The following SHANK2 variants were observed in gnomAD, a reference collection of about 807,000 sequenced individuals.
SHANK2 encodes SH3 and multiple ankyrin repeat domains 2.
A neutral mutation model predicts 133.7 loss-of-function variants in SHANK2; 43 were observed. The observed-to-expected ratio is 0.32, with a 90% confidence interval of 0.25 to 0.41. SHANK2 has a LOEUF of 0.41. Among genes scored for constraint, SHANK2 ranks in the 10% least tolerant of loss-of-function variants. The pLI, the probability that SHANK2 is intolerant of heterozygous loss-of-function variation, is 1.00. For missense variants in SHANK2, 1,994 were observed against 2,235.8 expected, an observed-to-expected ratio of 0.89 and a Z score of 2.18; for synonymous variants, 1,017 against 952.8, an observed-to-expected ratio of 1.07 and a Z score of -1.24.
chr11:70,698,668 G>C lies in SHANK2; in HGVS notation c.1853+20C>G, dbSNP rs1555022880. 1.4e-5 allele frequency: 10 copies of C among 718,634 alleles called. No individual in the cohort carries two copies. In the East Asian group the frequency reaches 2.7e-4, roughly 19 times the overall value. The allele number at this position is 718,634 out of a possible 1,614,324, so 44.5% of individuals were successfully genotyped here. ...CAGCTTTGACCAGAGGGTCCTGGAA[G>C]AGAAAGCAGCGCGTCTTACCTGGAA... On this transcript the variant is annotated intron_variant, in intron 15 of 25. Transcript: ENST00000601538.
intron 10 of SHANK2, among the ~76,000 whole-genome samples, chr11:70,901,335 T>C (rs1381639725): frequency 2.0e-5 from 3 of 152,168 alleles, no homozygotes; most frequent in African/African-American, 7.2e-5. Context: ...AAACAACAAA[T>C]GACAAATTAT....
At chr11:70,693,854 A>C (rs1043061266) in intron 15 of SHANK2, among the ~76,000 whole-genome samples, 2 of 152,180 alleles carry the variant, frequency 1.3e-5, no homozygotes, top group Non-Finnish European at 2.9e-5. Context: ...GGAAGGATTC[A>C]TACATGGATG....
At chr11:70,580,756 C>T (rs139643530) in intron 17 of SHANK2, among the ~76,000 whole-genome samples, 88 of 152,348 alleles carry the variant, frequency 5.8e-4, no homozygotes, top group African/African-American at 1.9e-3. Context: ...GCGGGAACAG[C>T]GAGGCCAGCA....
chr11:70,890,124 A>G (rs568426073), intron 11 of SHANK2, among the ~76,000 whole-genome samples: 1 of 152,206 alleles, frequency 6.6e-6, no homozygotes, highest in Non-Finnish European at 1.5e-5. Context: ...TTCCATGGTC[A>G]TCCCCTCCCC....
Position 70,572,097 on chromosome 11 carries a change from G to A in SHANK2, c.2062-69166C>T, listed in dbSNP as rs188786632. Among the ~76,000 whole-genome samples the A allele has an allele frequency of 2.7e-3, 409 of 152,322 alleles. 4 individuals are homozygous for A. Among genetic ancestry groups the A allele is most frequent in the African/African-American group, 9.6e-3 (398 of 41,578 alleles). On this transcript the variant is annotated intron_variant, in intron 17 of 25. Coordinates refer to ENST00000601538, the MANE Select transcript of SHANK2 (RefSeq NM_012309.5). ...ATCTCCACACCAGGGACAGGCCCTC[G>A]CCAGAATCCGGCCCTGCCGGCATCC... is the stretch of plus-strand genomic sequence containing the variant.
intron 11 of SHANK2, among the ~76,000 whole-genome samples, chr11:70,866,626 G>C (rs1416514519): frequency 2.6e-5 from 4 of 152,148 alleles, no homozygotes; most frequent in African/African-American, 9.7e-5. Flanking sequence ...AATTTACAAG[G>C]AGTAAGGATA....
At chr11:70,520,228 T>C (rs2135924681) in intron 17 of SHANK2, among the ~76,000 whole-genome samples, 1 of 152,356 alleles carries the variant, frequency 6.6e-6, no homozygotes, top group East Asian at 1.9e-4. Context: ...TTTCATTAAC[T>C]AAAGCCCACA....
At chr11:70,620,680 A>C (rs2060817948) in intron 17 of SHANK2, among the ~76,000 whole-genome samples, 3 of 152,296 alleles carry the variant, frequency 2.0e-5, no homozygotes, top group African/African-American at 7.2e-5. Flanking sequence ...CAGGGCCTTT[A>C]TTGGAGGTAA....
intron 2 of SHANK2, among the ~76,000 whole-genome samples, chr11:71,196,011 G>A (rs1953895768): frequency 1.3e-5 from 2 of 152,024 alleles, no homozygotes; most frequent in South Asian, 2.1e-4. Context: ...GCGAGACCCT[G>A]TCTCTACAAA....
At position 70,758,551 on chromosome 11, in the gene SHANK2, GC is replaced by G. The variant is rs534662160; in HGVS notation, c.1777+39891del. On this transcript the variant is annotated intron_variant, in intron 14 of 25. Coordinates refer to ENST00000601538, the MANE Select transcript of SHANK2 (RefSeq NM_012309.5). ...ATAGAGCTGTAACACTGACTGCATG[GC>G]CCAGGATTCCATTCCTTGGAATCTG... 4.8e-3 allele frequency among the ~76,000 whole-genome samples: 735 copies of G among 152,332 alleles called. 6 individuals are homozygous for G. The highest frequency in any genetic ancestry group is 0.024 in the Middle Eastern group (7 of 294).
intron 17 of SHANK2, among the ~76,000 whole-genome samples, chr11:70,602,503 C>T (rs1165043489): frequency 6.6e-6 from 1 of 152,196 alleles, no homozygotes; most frequent in Non-Finnish European, 1.5e-5. Context: ...GTCACACGTC[C>T]CTCAGCAAGA....
intron 14 of SHANK2, among the ~76,000 whole-genome samples, chr11:70,735,669 A>C (rs1465982504): frequency 6.7e-6 from 1 of 149,650 alleles, no homozygotes; most frequent in African/African-American, 2.5e-5. Flanking sequence ...GTGCCATTGC[A>C]TTCCAGCCTG....
intron 10 of SHANK2, among the ~76,000 whole-genome samples, chr11:70,925,464 C>T (rs538528594): frequency 2.0e-5 from 3 of 152,264 alleles, no homozygotes; most frequent in African/African-American, 4.8e-5. Flanking sequence ...TGCCCCACCC[C>T]ATGTGTCCAT....
chr11:71,080,432 T>C (rs1228776589), intron 8 of SHANK2, among the ~76,000 whole-genome samples: 2 of 152,142 alleles, frequency 1.3e-5, no homozygotes, highest in African/African-American at 2.4e-5. Context: ...TGGTGATACA[T>C]CTACAGGACC....
intron 10 of SHANK2, among the ~76,000 whole-genome samples, chr11:70,945,506 G>A (rs1462037699): frequency 1.3e-5 from 2 of 152,154 alleles, no homozygotes; most frequent in African/African-American, 2.4e-5. Context: ...CTGCCATCAG[G>A]GATGGTTTTC....
At chr11:70,496,030 A>C (rs1156858200) in intron 21 of SHANK2, among the ~76,000 whole-genome samples, 1 of 152,168 alleles carries the variant, frequency 6.6e-6, no homozygotes, top group Non-Finnish European at 1.5e-5. Flanking sequence ...GCTGGGGCTG[A>C]ATAGCGGAGG....
At chr11:70,711,800 T>A (rs1387259174) in intron 14 of SHANK2, among the ~76,000 whole-genome samples, 1 of 152,246 alleles carries the variant, frequency 6.6e-6, no homozygotes, top group African/African-American at 2.4e-5. Flanking sequence ...CTTTTCTCAA[T>A]CAGCAGCAGA....
intron 10 of SHANK2, chr11:70,950,153 G>A (rs1555086227): frequency 6.6e-6 from 3 of 455,806 alleles, no homozygotes; most frequent in African/African-American, 2.0e-5. Flanking sequence ...CTGTCTCCCG[G>A]GTTCAAGTGA....
intron 11 of SHANK2, among the ~76,000 whole-genome samples, chr11:70,828,943 C>T (rs1287358840): frequency 4.6e-5 from 7 of 152,246 alleles, no homozygotes; most frequent in Admixed American, 2.0e-4. Context: ...ATCACTGCTC[C>T]GGCGCTGCTG....
Sources: allele counts gnomAD v4.1 joint callset (sites outside exome capture counted in the v4.1 genomes callset), GRCh38; gene constraint gnomAD v4.1.1; transcripts MANE v1.5; gene names NCBI Gene and HGNC (gene_info 2026-07-23, HGNC 2026-07-21).